Variants in LEPR observed in about 807,000 individuals in gnomAD.
LEPR encodes the protein OB receptor.
In LEPR, 56 loss-of-function variants were observed where a neutral mutation model predicts 114.7. The observed-to-expected ratio is 0.49, with a 90% CI of 0.39 to 0.61. LEPR has a LOEUF of 0.61. Among genes scored for constraint, LEPR ranks in the 20% least tolerant of loss-of-function variants. LEPR has a pLI of 0.00. For missense variants in LEPR, 1,202 were observed against 1,352.9 expected, an observed-to-expected ratio of 0.89 and a Z score of 1.75; for synonymous variants, 443 against 461.4, an observed-to-expected ratio of 0.96 and a Z score of 0.51.
At chr1:65,438,857 C>G (rs1434207241) in intron 2 of LEPR, among the ~76,000 whole-genome samples, 1 of 152,082 alleles carries the variant, frequency 6.6e-6, no homozygotes, top group Non-Finnish European at 1.5e-5. Flanking sequence ...TTAGATAACC[C>G]AAGTGATTAT....
intron 2 of LEPR, among the ~76,000 whole-genome samples, chr1:65,533,107 C>T (rs1171271): frequency 0.73 from 110,551 of 151,984 alleles, 41,294 homozygotes; most frequent in Middle Eastern, 0.9. Flanking sequence ...TAAAATGATT[C>T]CAAAAACATG....
intron 19 of LEPR, among the ~76,000 whole-genome samples, chr1:65,628,793 G>T (rs1658361725): frequency 6.6e-6 from 1 of 152,000 alleles, no homozygotes. Context: ...TCATGTATAT[G>T]ATATTTCTCA....
intron 18 of LEPR, 73 bp from the exon 19 acceptor site, chr1:65,622,833 C>G: frequency 6.6e-7 from 1 of 1,513,586 alleles, no homozygotes; most frequent in Non-Finnish European, 9.1e-7. Flanking sequence ...TCTAGCTTGT[C>G]TGTTCACTAA....
intron 2 of LEPR, among the ~76,000 whole-genome samples, chr1:65,546,826 C>G (rs527892705): frequency 3.3e-5 from 5 of 152,152 alleles, no homozygotes; most frequent in Admixed American, 3.3e-4. Context: ...ATTGTCCTGG[C>G]CAGAACTTCC....
chr1:65,525,284 G>A (rs951612705), intron 2 of LEPR, among the ~76,000 whole-genome samples: 4 of 152,282 alleles, frequency 2.6e-5, no homozygotes, highest in Middle Eastern at 3.4e-3. Context: ...GGGGGTGGGA[G>A]GGACGGGGGA....
At position 65,601,409 on chromosome 1, in the gene LEPR, C is replaced by A. The variant is rs1557688429; in HGVS notation, c.1012C>A (p.Pro338Thr). The A allele has an allele frequency of 6.2e-7, 1 of 1,613,072 alleles. No individual in the cohort carries two copies. ...FTTQDVIYFP[P>T]KILTSVGSNV... The stretch of plus-strand genomic sequence containing the variant: ...CATTACAGATGTCATATACTTTCCA[C>A]CTAAAATTCTGACAAGTGTTGGGTC... Residue 338 changes from proline to threonine, a missense_variant, in exon 9 of 20, where the codon CCT becomes ACT. Physicochemically the swap from Pro to Thr is conservative, Grantham distance 38 (BLOSUM62 -1). Coordinates refer to ENST00000349533, the MANE Select transcript of LEPR (RefSeq NM_002303.6).
intron 10 of LEPR, among the ~76,000 whole-genome samples, chr1:65,604,748 G>C (rs1417692642): frequency 6.6e-6 from 1 of 152,202 alleles, no homozygotes; most frequent in Non-Finnish European, 1.5e-5. Flanking sequence ...TCCACCTCCT[G>C]TCAGATCAGC....
chr1:65,580,346 C>T (rs887304231), intron 5 of LEPR, among the ~76,000 whole-genome samples: 3 of 152,210 alleles, frequency 2.0e-5, no homozygotes, highest in Non-Finnish European at 2.9e-5. Flanking sequence ...AGCTTTGAAT[C>T]AGACTCACCT....
At chr1:65,520,700 C>T (rs769805244) in intron 2 of LEPR, among the ~76,000 whole-genome samples, 6 of 152,088 alleles carry the variant, frequency 3.9e-5, no homozygotes, top group Admixed American at 3.3e-4. Context: ...CTGAGAACCT[C>T]GAACAGAGAT....
chr1:65,472,411 A>ACACACAC (rs1553156042), intron 2 of LEPR, among the ~76,000 whole-genome samples: 1 of 133,286 alleles, frequency 7.5e-6, no homozygotes, highest in African/African-American at 2.9e-5. Context: ...CTGTGGCTAA[A>ACACACAC]ACACACACAC....
At chr1:65,566,259 G>T (rs1272843888) in intron 3 of LEPR, among the ~76,000 whole-genome samples, 1 of 140,886 alleles carries the variant, frequency 7.1e-6, no homozygotes, top group Non-Finnish European at 1.5e-5. Context: ...CTGGAGTGCA[G>T]TGGCATGATC....
intron 2 of LEPR, among the ~76,000 whole-genome samples, chr1:65,476,831 A>G (rs1264424281): frequency 6.6e-6 from 1 of 152,216 alleles, no homozygotes; most frequent in African/African-American, 2.4e-5. Flanking sequence ...GCATGCCCAG[A>G]ACTACTAGAA....
chr1:65,435,981 A>G (rs1403480454), intron 2 of LEPR: 3 of 984,332 alleles, frequency 3.0e-6, no homozygotes, highest in Non-Finnish European at 3.6e-6. Context: ...ATTACTTTGT[A>G]AATAAAACTT....
In LEPR at chr1:65,535,203, C is replaced by T. The variant is rs149175578; in HGVS notation, c.-20-30343C>T. On this transcript the variant is annotated intron_variant, in intron 2 of 19. Transcript: ENST00000349533. ...AAACATACTGGCATACACATAAGCA[C>T]CTGTTAATTGTAGTTGCTGTTATAG... Among the ~76,000 whole-genome samples, 987 of 151,632 alleles carry T rather than the reference C, an allele frequency of 6.5e-3. 10 individuals are homozygous for T. Among genetic ancestry groups the T allele is most frequent in the Middle Eastern group, 0.02 (6 of 294 alleles).
At chr1:65,474,039 T>C (rs1373429222) in intron 2 of LEPR, among the ~76,000 whole-genome samples, 3 of 152,242 alleles carry the variant, frequency 2.0e-5, no homozygotes, top group African/African-American at 7.2e-5. Flanking sequence ...TCCAAGTTGT[T>C]GCTAAAAGTG....
At position 65,633,184 on chromosome 1, in the gene LEPR, C is replaced by T. The variant is rs763722331; in HGVS notation, c.2674-3007C>T. 1 of 1,608,032 alleles carries T rather than the reference C, an allele frequency of 6.2e-7. No individual in the cohort carries two copies. The highest frequency in any genetic ancestry group is 8.5e-7 in the Non-Finnish European group (1 of 1,176,122). On this transcript the variant is annotated intron_variant, in intron 19 of 19. Transcript: ENST00000349533. The surrounding 1 kb of genome is among the most constrained non-coding windows in gnomAD (Gnocchi z 4.1). ...ACATTCTTTGAAGTCTAATCATGAT[C>T]ACTACAGATGAACCCAATGTGCCAA...
intron 2 of LEPR, among the ~76,000 whole-genome samples, chr1:65,548,916 C>T (rs1399839062): frequency 2.0e-5 from 3 of 152,222 alleles, no homozygotes; most frequent in Admixed American, 6.5e-5. Flanking sequence ...AAGGTCTTTA[C>T]AATTTGGCAT....
chr1:65,519,036 T>C (rs1190969624), intron 2 of LEPR, among the ~76,000 whole-genome samples: 1 of 150,700 alleles, frequency 6.6e-6, no homozygotes, highest in Non-Finnish European at 1.5e-5. Flanking sequence ...TTTCTTCTTT[T>C]CTTTTCTTTC....
chr1:65,426,563 G>T (rs919032478), intron 2 of LEPR, among the ~76,000 whole-genome samples: 2 of 152,074 alleles, frequency 1.3e-5, no homozygotes, highest in African/African-American at 4.8e-5. Flanking sequence ...TGAGGGCTGG[G>T]GCAGTAGGAA....
Sources: gnomAD v4.1 joint callset for allele counts (sites outside exome capture counted in the v4.1 genomes callset) on GRCh38, gnomAD v4.1.1 for gene constraint, Gnocchi (gnomAD v3.1) non-coding constraint, MANE v1.5 for transcripts, NCBI Gene and HGNC (gene_info 2026-07-23, HGNC 2026-07-21) for gene names.